Variants in INTS8 observed in about 807,000 individuals in gnomAD.
INTS8 encodes integrator complex subunit 8.
A neutral mutation model predicts 138.9 loss-of-function variants in INTS8; 47 were observed. The ratio of observed to expected loss-of-function variants is 0.34; its 90% CI spans 0.27 to 0.43. INTS8 has a LOEUF of 0.43. Ranked by LOEUF, INTS8 falls within the 20% of genes least tolerant of loss-of-function variation. The probability of loss-of-function intolerance (pLI) is 1.00; values close to 1 mark genes in which losing one functional copy is unlikely to be tolerated. For synonymous variants in INTS8, 392 were observed against 400.9 expected (o/e 0.98, Z 0.27); for missense variants, 996 against 1,173.0 (o/e 0.85, Z 2.20).
At chr8:94,852,493 A>G (rs919165104) in intron 13 of INTS8, among the ~76,000 whole-genome samples, 1 of 152,228 alleles carries the variant, frequency 6.6e-6, no homozygotes, top group Non-Finnish European at 1.5e-5. Context: ...CGACAGATAC[A>G]GGAGAAATTA....
chr8:94,874,222 CT>C (rs1816499182), intron 22 of INTS8, among the ~76,000 whole-genome samples: 1 of 144,248 alleles, frequency 6.9e-6, no homozygotes. Context: ...CTCCCCATTC[CT>C]GCACCTGGTG....
chr8:94,829,621 A>G (rs1225577044), intron 5 of INTS8, among the ~76,000 whole-genome samples: 1 of 152,142 alleles, frequency 6.6e-6, no homozygotes, highest in Non-Finnish European at 1.5e-5. Context: ...TACCATTTAT[A>G]GATGTGTCTT....
rs773961137 is a variant in INTS8 at position 94,853,788 on chromosome 8, T to C, written c.1642-17T>C. ...CTCTATGTGTGCATATATATATGTA[T>C]TTTTTGTTTCTTTTAGTGGGAAGTA... On this transcript the variant is annotated splice_polypyrimidine_tract_variant and intron_variant, in intron 13 of 26. Transcript: ENST00000523731. 10 of 1,413,870 alleles carry C rather than the reference T, an allele frequency of 7.1e-6. No individual in the cohort carries two copies. The East Asian group carries it at 2.3e-4, about 32-fold the overall frequency. 87.6% of individuals were successfully genotyped at this position (1,413,870 alleles called of 1,614,324 possible).
chr8:94,860,560 CA>C (rs1296197149), intron 16 of INTS8, among the ~76,000 whole-genome samples: 1 of 68,208 alleles, frequency 1.5e-5, no homozygotes, highest in Non-Finnish European at 2.6e-5. Context: ...GCCTGGGCAA[CA>C]AGAGCGAAAC....
In INTS8 at chr8:94,880,529, A is replaced by C. The variant is rs1159457525; in HGVS notation, c.*295A>C. 1 of 299,324 alleles carries C rather than the reference A, an allele frequency of 3.3e-6. No homozygotes were observed. Among genetic ancestry groups the C allele is most frequent in the Admixed American group, 5.0e-5 (1 of 20,178 alleles). The allele number at this position is 299,324 out of a possible 1,614,324, so 18.5% of individuals were successfully genotyped here. ...CTGGATTTTTTTTTTAGAAAAGCTA[A>C]TTTAAAATATTTAGAAATAGCTAGC... On this transcript the variant is annotated 3_prime_UTR_variant, in exon 27 of 27. Transcript: ENST00000523731.
intron 3 of INTS8, 108 bp downstream of exon 3, chr8:94,827,511 A>G (rs545265955): frequency 6.0e-6 from 8 of 1,327,360 alleles, no homozygotes; most frequent in Non-Finnish European, 7.4e-6. Context: ...GGGATTTTTC[A>G]AATCTGGGGA....
At chr8:94,873,596 G>C in intron 22 of INTS8, 119 bp downstream of exon 22, 1 of 685,488 alleles carries the variant, frequency 1.5e-6, no homozygotes, top group Non-Finnish European at 2.7e-6. Flanking sequence ...CAGGTTCATG[G>C]CTCTAGAACA....
In INTS8 at chr8:94,880,990, G is replaced by C. The variant is rs1816787984; in HGVS notation, c.*756G>C. The C allele has an allele frequency of 2.5e-6, 1 of 398,706 alleles. No individual in the cohort carries two copies. Among genetic ancestry groups the C allele is most frequent in the Non-Finnish European group, 4.4e-6 (1 of 225,874 alleles). The allele number at this position is 398,706 out of a possible 1,614,324, so 24.7% of individuals were successfully genotyped here. Reference sequence around the variant, plus strand: ...GTTTAGAGCACAGGTTGAACACCATGTTCATCTAAGCCTTATTAGTTAAAA... The same window carrying C: ...GTTTAGAGCACAGGTTGAACACCATCTTCATCTAAGCCTTATTAGTTAAAA... On this transcript the variant is annotated 3_prime_UTR_variant, in exon 27 of 27. Transcript: ENST00000523731.
chr8:94,837,446 A>G (rs1201794723), intron 7 of INTS8, among the ~76,000 whole-genome samples: 1 of 152,184 alleles, frequency 6.6e-6, no homozygotes, highest in Non-Finnish European at 1.5e-5. Flanking sequence ...TGCTCTGACT[A>G]TTCTAGATAG....
rs767733255 is a variant in INTS8, at chr8:94,832,105, C to T, written c.684C>T (p.Gly228=). Residue 228 remains glycine, a synonymous_variant, in exon 6 of 27, where the codon GGC becomes GGT. Coordinates refer to ENST00000523731, the MANE Select transcript of INTS8 (RefSeq NM_017864.4). ...TAGATTTATTGGCCATGGAACCAGG[C>T]ATGGTAAATGGAGAAACTGAGAGTT... ...RTLDLLAMEP[G]MVNGETESST... is the part of the protein sequence containing the mutation. 6.2e-7 allele frequency: 1 copy of T among 1,613,710 alleles called. No individual in the cohort carries two copies. The highest frequency in any genetic ancestry group is 1.7e-5 in the Admixed American group (1 of 59,950).
intron 5 of INTS8, among the ~76,000 whole-genome samples, 180 bp from the exon 6 acceptor site, chr8:94,831,812 A>G (rs1039822410): frequency 1.3e-5 from 2 of 152,158 alleles, no homozygotes; most frequent in Non-Finnish European, 2.9e-5. Context: ...ACCTCACAAT[A>G]GGAACTTATT....
At chr8:94,850,528 C>T (rs186455693) in intron 12 of INTS8, among the ~76,000 whole-genome samples, 80 of 149,026 alleles carry the variant, frequency 5.4e-4, no homozygotes, top group African/African-American at 1.9e-3. Flanking sequence ...AGGAGAATGG[C>T]GTGAACCCAG....
Position 94,881,400 on chromosome 8 carries a change from T to TGAA in INTS8, c.*1169_*1171dup. 1.9e-6 allele frequency: 1 copy of TGAA among 530,040 alleles called. No homozygotes were observed. The highest frequency in any genetic ancestry group is 3.3e-6 in the Non-Finnish European group (1 of 301,800). 32.8% of individuals were successfully genotyped at this position (530,040 alleles called of 1,614,324 possible). On this transcript the variant is annotated 3_prime_UTR_variant, in exon 27 of 27. Coordinates refer to ENST00000523731, the MANE Select transcript of INTS8 (RefSeq NM_017864.4). ...GGCTTCTATCCAGTAACCTTGGGAA[T>TGAA]GAAGACATCTTTGTAAACAAGTCCT...
At chr8:94,840,431 G>T (rs554027428) in intron 8 of INTS8, among the ~76,000 whole-genome samples, 2 of 152,170 alleles carry the variant, frequency 1.3e-5, no homozygotes, top group South Asian at 2.1e-4. Context: ...TTCTTGAGAA[G>T]TAGCTAAGAA....
Position 94,827,369 on chromosome 8 carries a change from A to C in INTS8, c.412A>C (p.Thr138Pro). ...VDMDLATLPP[T>P]TAMAVLLYNR... is the part of the protein sequence containing the mutation. ...CATGGATCTGGCCACTTTACCTCCG[A>C]CCACTGCCATGGCTGTACTTCTCTA... Residue 138 changes from threonine (T) to proline (P), a missense_variant, in exon 3 of 27, where the codon ACC (threonine) becomes CCC (proline). Transcript: ENST00000523731. 1 of 1,614,186 alleles carries C rather than the reference A, an allele frequency of 6.2e-7. No individual in the cohort carries two copies. Among genetic ancestry groups the C allele is most frequent in the Non-Finnish European group, 8.5e-7 (1 of 1,180,018 alleles).
At chr8:94,836,413 T>A in intron 6 of INTS8, 111 bp from the exon 7 acceptor site, 1 of 800,438 alleles carries the variant, frequency 1.2e-6, no homozygotes, top group Non-Finnish European at 2.0e-6. Context: ...GAATATGTGT[T>A]TTTTTATGTC....
chr8:94,831,148 C>G (rs984281226), intron 5 of INTS8, among the ~76,000 whole-genome samples: 4 of 152,078 alleles, frequency 2.6e-5, no homozygotes, highest in African/African-American at 9.6e-5. Flanking sequence ...GAATATTACT[C>G]TGTCACCCAG....
At chr8:94,825,422 A>T (rs1375519185) in intron 2 of INTS8, among the ~76,000 whole-genome samples, 15 of 143,722 alleles carry the variant, frequency 1.0e-4, no homozygotes, top group Non-Finnish European at 2.1e-4. Context: ...ATAGAGTAAG[A>T]CTCGGAAAAA....
intron 16 of INTS8, among the ~76,000 whole-genome samples, chr8:94,860,948 T>C: frequency 6.7e-6 from 1 of 150,130 alleles, no homozygotes; most frequent in Middle Eastern, 3.2e-3. Flanking sequence ...TCCCAGCTAC[T>C]CGGGAGGCTG....
Sources: gnomAD v4.1 joint callset for allele counts (sites outside exome capture counted in the v4.1 genomes callset) on GRCh38, gnomAD v4.1.1 for gene constraint, MANE v1.5 for transcripts, NCBI Gene and HGNC (gene_info 2026-07-23, HGNC 2026-07-21) for gene names.